CDC42BPG: variants seen among roughly 807,000 people sequenced by gnomAD.
The protein encoded by CDC42BPG is CDC42 binding protein kinase gamma.
Under a neutral mutation model 192.2 loss-of-function variants are expected in CDC42BPG, and 157 were observed. The ratio of observed to expected loss-of-function variants is 0.82; its 90% CI spans 0.72 to 0.93. The LOEUF (loss-of-function observed/expected upper bound fraction) is 0.93, where lower values mean the gene tolerates loss of function less well. Among genes scored for constraint, CDC42BPG ranks in the 40% least tolerant of loss-of-function variants. The probability of loss-of-function intolerance (pLI) is 0.00; values close to 1 mark genes in which losing one functional copy is unlikely to be tolerated. For missense variants in CDC42BPG, 1,992 were observed against 2,122.1 expected (o/e 0.94, Z 1.20); for synonymous variants, 981 against 918.5 (o/e 1.07, Z -1.23).
In CDC42BPG at chr11:64,836,760, T is replaced by C; in HGVS notation, c.1363A>G (p.Thr455Ala). 1.3e-6 allele frequency: 2 copies of C among 1,503,684 alleles called. No homozygotes were observed. Among genetic ancestry groups the C allele is most frequent in the Non-Finnish European group, 8.9e-7 (1 of 1,121,468 alleles). The allele number at this position is 1,503,684 out of a possible 1,614,324, so 93.1% of individuals were successfully genotyped here. ...ATACCTGGCAGCCTGTCCCGCAGAG[T>C]CTGCACTTCCTTCCGTAGCTGCTCC... ...ELEQLRKEVQ[T>A]LRDRLPEMLR... The change falls in exon 11 of 37, where the codon ACT becomes GCT. Residue 455 changes from threonine (T) to alanine (A), a missense_variant. By Grantham distance (58) the Thr-to-Ala change is moderately conservative. Coordinates refer to ENST00000342711, the MANE Select transcript of CDC42BPG (RefSeq NM_017525.3).
chr11:64,836,024 G>C, intron 13 of CDC42BPG, 93 bp downstream of exon 13: 2 of 1,428,894 alleles, frequency 1.4e-6, no homozygotes, highest in Non-Finnish European at 1.9e-6. Context: ...GCTACAACCG[G>C]GAGGCAGCAT....
intron 35 of CDC42BPG, 52 bp downstream of exon 35, chr11:64,826,619 T>C: frequency 6.3e-7 from 1 of 1,575,476 alleles, no homozygotes; most frequent in Non-Finnish European, 8.6e-7. Flanking sequence ...CCAAAGGGGG[T>C]AGAAACTTGG....
intron 16 of CDC42BPG, 86 bp from the exon 17 acceptor site, chr11:64,835,239 C>T: frequency 6.2e-7 from 1 of 1,604,386 alleles, no homozygotes; most frequent in South Asian, 1.1e-5. Flanking sequence ...GCACCCCGAG[C>T]CCCGTCCATG....
intron 17 of CDC42BPG, 30 bp downstream of exon 17, chr11:64,835,017 T>TTGGCCCCCCCCCCC: frequency 4.5e-6 from 7 of 1,571,954 alleles, no homozygotes; most frequent in South Asian, 1.1e-5. Flanking sequence ...TCGCCTGCGT[T>TTGGCCCCCCCCCCC]CCCCACCCCG....
At chr11:64,827,462 CA>C in intron 32 of CDC42BPG, 64 bp from the exon 33 acceptor site, 1 of 1,604,110 alleles carries the variant, frequency 6.2e-7, no homozygotes, top group Admixed American at 1.7e-5. Flanking sequence ...AGCTGGCATT[CA>C]GGGCCACACA....
In CDC42BPG at chr11:64,840,212, G is replaced by A. The variant is rs149139289; in HGVS notation, c.489C>T (p.Phe163=). ...CCAGCTCGGGCGGGAGACGGTCCTC[G>A]AAGCGGCTCAGCAGCGTCAGGAGGT... ...GGDLLTLLSR[F]EDRLPPELAQ... Residue 163 remains phenylalanine, a synonymous_variant, in exon 5 of 37, where the codon TTC becomes TTT. Transcript: ENST00000342711. 6.8e-6 allele frequency: 11 copies of A among 1,613,080 alleles called. No individual in the cohort carries two copies. Among genetic ancestry groups the A allele is most frequent in the African/African-American group, 2.7e-5 (2 of 74,922 alleles).
chr11:64,843,888 G>T (rs1450762057), intron 1 of CDC42BPG, among the ~76,000 whole-genome samples: 1 of 152,192 alleles, frequency 6.6e-6, no homozygotes, highest in Non-Finnish European at 1.5e-5. Flanking sequence ...GTTGGTGGGG[G>T]GAAGGTCTGC....
In CDC42BPG at chr11:64,827,676, G is replaced by A. The variant is rs71539696; in HGVS notation, c.4065+10C>T. ...CCCGGCGCTACCCCAGGGCTCTGGC[G>A]GACCCTCACCTTCTTGAGCGGCACG... is the stretch of plus-strand genomic sequence containing the variant. On this transcript the variant is annotated intron_variant, in intron 31 of 36. Transcript: ENST00000342711. The A allele has an allele frequency of 4.5e-4, 724 of 1,608,586 alleles. 4 individuals carry two copies. The Middle Eastern group carries it at 5.8e-3, about 13-fold the overall frequency.
At chr11:64,834,598 G>A (rs371507654) in intron 18 of CDC42BPG, 21 bp from the exon 19 acceptor site, 30 of 1,531,182 alleles carry the variant, frequency 2.0e-5, no homozygotes, top group South Asian at 7.5e-5. Flanking sequence ...CGGAGCACCC[G>A]TATAAGATGC....
Position 64,826,560 on chromosome 11 carries a change from T to C in CDC42BPG, c.4514-5A>G. ...ATGTCCAGGGTTTCCTCTTCACTGC[T>C]CCAGCAGCAGACGAGGAGACAAAAA... On this transcript the variant is annotated splice_polypyrimidine_tract_variant and splice_region_variant and intron_variant, in intron 35 of 36. Coordinates refer to ENST00000342711, the MANE Select transcript of CDC42BPG (RefSeq NM_017525.3). 1 of 1,597,238 alleles carries C rather than the reference T, an allele frequency of 6.3e-7. No homozygotes were observed. Among genetic ancestry groups the C allele is most frequent in the East Asian group, 2.3e-5 (1 of 44,356 alleles).
chr11:64,838,521 A>G, intron 8 of CDC42BPG, 133 bp downstream of exon 8: 1 of 1,237,650 alleles, frequency 8.1e-7, no homozygotes, highest in Non-Finnish European at 1.1e-6. Context: ...TCAGTCTGGG[A>G]GTCCATAAAT....
In CDC42BPG at chr11:64,827,384, C is replaced by T. The variant is rs146093352; in HGVS notation, c.4165G>A (p.Asp1389Asn). The T allele has an allele frequency of 1.5e-5, 25 of 1,613,438 alleles. No individual in the cohort carries two copies. The highest frequency in any genetic ancestry group is 2.1e-5 in the Non-Finnish European group (25 of 1,179,494). ...RNQLAEKDEFDIPDLTDNSRR... is the reference protein window; with the variant it reads ...RNQLAEKDEFNIPDLTDNSRR... Reference sequence around the variant, plus strand: ...CTGTTGTCGGTGAGGTCCGGGATGTCGAACTCGTCCTTCTCTGTGGGAGAA... The same window carrying T: ...CTGTTGTCGGTGAGGTCCGGGATGTTGAACTCGTCCTTCTCTGTGGGAGAA... The change falls in exon 33 of 37, where the codon GAC (aspartate) becomes AAC (asparagine). Residue 1389 changes from aspartate to asparagine, a missense_variant. By Grantham distance (23) the Asp-to-Asn change is conservative. Coordinates refer to ENST00000342711, the MANE Select transcript of CDC42BPG (RefSeq NM_017525.3).
intron 9 of CDC42BPG, 39 bp downstream of exon 9, chr11:64,838,043 AC>A (rs1166762046): frequency 1.3e-6 from 2 of 1,529,618 alleles, no homozygotes; most frequent in East Asian, 2.4e-5. Flanking sequence ...AGGTCAGGCA[AC>A]CCCGAGCCTC....
intron 17 of CDC42BPG, 34 bp downstream of exon 17, chr11:64,835,013 G>A: frequency 6.2e-7 from 1 of 1,610,388 alleles, no homozygotes; most frequent in Non-Finnish European, 8.5e-7. Context: ...AGTCTCGCCT[G>A]CGTTCCCCAC....
At chr11:64,830,143 C>G (rs774524704) in intron 29 of CDC42BPG, 51 bp downstream of exon 29, 1 of 1,612,700 alleles carries the variant, frequency 6.2e-7, no homozygotes, top group Admixed American at 1.7e-5. Context: ...CTCCTCTGCC[C>G]GCTGGGGCTG....
intron 20 of CDC42BPG, 116 bp from the exon 21 acceptor site, chr11:64,834,093 G>T: frequency 1.3e-6 from 2 of 1,488,120 alleles, no homozygotes; most frequent in Non-Finnish European, 1.9e-6. Context: ...GTGGGGCAGG[G>T]CTGGGCACAG....
intron 33 of CDC42BPG, 30 bp downstream of exon 33, chr11:64,827,248 A>C: frequency 6.2e-7 from 1 of 1,613,174 alleles, no homozygotes. Context: ...GGCCCCACCC[A>C]GCCTCAGCCC....
Position 64,826,704 on chromosome 11 carries a change from C to T in CDC42BPG, c.4480G>A (p.Gly1494Ser). 6.4e-7 allele frequency: 1 copy of T among 1,557,650 alleles called. No homozygotes were observed. The highest frequency in any genetic ancestry group is 8.7e-7 in the Non-Finnish European group (1 of 1,152,292). Residue 1494 changes from glycine to serine, a missense_variant, in exon 35 of 37, where the codon GGC becomes AGC. Physicochemically the swap from Gly to Ser is moderately conservative, Grantham distance 56 (BLOSUM62 0). This residue lies in a region of CDC42BPG where 336 missense variants were observed against 277.9 expected (regional missense o/e 1.21). Transcript: ENST00000342711. ...SEALRRPASMGSEGLGGDADP... is the reference protein window; with the variant it reads ...SEALRRPASMSSEGLGGDADP... ...GCGTCTCCACCGAGGCCTTCGCTGC[C>T]CATGGAGGCTGGGCGCCGCAACGCC...
chr11:64,844,162 T>C (rs1446564001), intron 1 of CDC42BPG, among the ~76,000 whole-genome samples: 1 of 151,516 alleles, frequency 6.6e-6, no homozygotes, highest in African/African-American at 2.4e-5. Flanking sequence ...TGAGCACAAG[T>C]TGGTATGTGT....
Sources: gnomAD v4.1 joint callset for allele counts (sites outside exome capture counted in the v4.1 genomes callset) on GRCh38, gnomAD v4.1.1 for gene constraint, gnomAD v4.1.1 regional missense constraint, MANE v1.5 for transcripts, NCBI Gene and HGNC (gene_info 2026-07-23, HGNC 2026-07-21) for gene names.